The following ERBB4 variants were observed in gnomAD, a reference collection of about 807,000 sequenced individuals.
ERBB4 encodes erb-b2 receptor tyrosine kinase 4, also known as receptor tyrosine-protein kinase erbB-4.
ERBB4 carries 42 observed loss-of-function variants against 158.0 expected under a neutral mutation model. The observed-to-expected ratio is 0.27, with a 90% confidence interval of 0.21 to 0.34. The LOEUF is 0.34. Among genes scored for constraint, ERBB4 ranks in the 10% least tolerant of loss-of-function variants. The pLI, the probability that ERBB4 is intolerant of heterozygous loss-of-function variation, is 1.00. For synonymous variants in ERBB4, 583 were observed against 558.7 expected, an observed-to-expected ratio of 1.04 and a Z score of -0.61; for missense variants, 1,333 against 1,624.1, an observed-to-expected ratio of 0.82 and a Z score of 3.08.
Position 211,380,355 on chromosome 2 carries a change from TTTTCCATACCTGCCCAAAATA to T in ERBB4, c.*3239_*3259del, listed in dbSNP as rs1166173023. On this transcript the variant is annotated 3_prime_UTR_variant, in exon 28 of 28. Coordinates refer to ENST00000342788, the MANE Select transcript of ERBB4 (RefSeq NM_005235.3). The stretch of plus-strand genomic sequence containing the variant: ...TTAGGCAATCATTTAACTGCAAAAT[TTTTCCATACCTGCCCAAAATA>T]GGTATAATCTACAAAGTTGGGTGAT... The T allele has an allele frequency of 6.9e-6, 1 of 145,622 alleles. No individual in the cohort carries two copies. The highest frequency in any genetic ancestry group is 3.1e-5 in the African/African-American group (1 of 32,656). 9.0% of individuals were successfully genotyped at this position (145,622 alleles called of 1,614,324 possible).
intron 20 of ERBB4, among the ~76,000 whole-genome samples, chr2:211,452,021 T>G (rs2064257923): frequency 6.6e-6 from 1 of 152,032 alleles, no homozygotes; most frequent in Admixed American, 6.6e-5. Flanking sequence ...AATCTCTTTT[T>G]CATTTGTAAT....
intron 1 of ERBB4, among the ~76,000 whole-genome samples, chr2:212,395,651 C>T (rs961396759): frequency 1.0e-4 from 13 of 130,632 alleles, no homozygotes; most frequent in South Asian, 2.4e-4. Flanking sequence ...GATGGAGTCT[C>T]GCTCTGTCAC....
At chr2:211,865,377 T>G in intron 3 of ERBB4, among the ~76,000 whole-genome samples, 1 of 152,184 alleles carries the variant, frequency 6.6e-6, no homozygotes, top group East Asian at 1.9e-4. Flanking sequence ...ACCTCCCAAC[T>G]TATTTCTTGG....
intron 20 of ERBB4, among the ~76,000 whole-genome samples, chr2:211,511,670 C>T (rs2065888078): frequency 6.6e-6 from 1 of 151,830 alleles, no homozygotes; most frequent in African/African-American, 2.4e-5. Flanking sequence ...ATTTCAGAAT[C>T]CATTGTTTAA....
At chr2:212,275,615 A>G (rs2106132060) in intron 1 of ERBB4, among the ~76,000 whole-genome samples, 1 of 151,962 alleles carries the variant, frequency 6.6e-6, no homozygotes, top group Middle Eastern at 3.4e-3. Flanking sequence ...TTCTTTACAG[A>G]CAAGCAAATG....
At chr2:211,943,667 C>G (rs944049994) in intron 3 of ERBB4, among the ~76,000 whole-genome samples, 1 of 152,056 alleles carries the variant, frequency 6.6e-6, no homozygotes, top group African/African-American at 2.4e-5. Context: ...CTCTTTCCCC[C>G]TCTACTTATC....
intron 12 of ERBB4, among the ~76,000 whole-genome samples, chr2:211,698,927 G>T (rs948946849): frequency 6.6e-6 from 1 of 152,108 alleles, no homozygotes; most frequent in Non-Finnish European, 1.5e-5. Flanking sequence ...AGAGTTTCCC[G>T]CAATCTCAAT....
At chr2:211,734,918 A>AAAT (rs1277142908) in intron 5 of ERBB4, among the ~76,000 whole-genome samples, 1 of 151,086 alleles carries the variant, frequency 6.6e-6, no homozygotes, top group East Asian at 1.9e-4. Context: ...TCAAAAAAAA[A>AAAT]AAAAAAAAAA....
At chr2:212,255,675 C>T (rs189162908) in intron 1 of ERBB4, among the ~76,000 whole-genome samples, 3 of 152,182 alleles carry the variant, frequency 2.0e-5, no homozygotes, top group Non-Finnish European at 2.9e-5. Context: ...GGTTTGAAAT[C>T]TGAAATGCTG....
intron 2 of ERBB4, among the ~76,000 whole-genome samples, chr2:212,035,359 G>C (rs946685947): frequency 3.9e-5 from 6 of 152,110 alleles, no homozygotes; most frequent in African/African-American, 1.4e-4. Flanking sequence ...TGTTGCTTTA[G>C]AGCGCTATGA....
intron 3 of ERBB4, among the ~76,000 whole-genome samples, chr2:211,824,436 G>A (rs1006050814): frequency 5.9e-5 from 9 of 152,062 alleles, no homozygotes; most frequent in South Asian, 4.1e-4. Flanking sequence ...TCCAGAGCAC[G>A]CTTCAAATCA....
intron 3 of ERBB4, among the ~76,000 whole-genome samples, chr2:211,881,542 G>A (rs1449179919): frequency 2.4e-5 from 3 of 126,482 alleles, no homozygotes; most frequent in Non-Finnish European, 3.1e-5. Context: ...AAAGAAATGG[G>A]CAACATGGAG....
At chr2:211,429,277 T>C (rs1446802368) in intron 21 of ERBB4, among the ~76,000 whole-genome samples, 2 of 152,116 alleles carry the variant, frequency 1.3e-5, no homozygotes, top group African/African-American at 4.8e-5. Flanking sequence ...AATGGACTCT[T>C]TCTATACTTG....
chr2:212,324,307 C>T (rs1438964644), intron 1 of ERBB4, among the ~76,000 whole-genome samples: 1 of 150,544 alleles, frequency 6.6e-6, no homozygotes, highest in East Asian at 2.0e-4. Flanking sequence ...AGTCTCAGTT[C>T]AGACATTCAC....
chr2:211,697,627 G>C (rs570970837), intron 12 of ERBB4, among the ~76,000 whole-genome samples: 3 of 152,042 alleles, frequency 2.0e-5, no homozygotes, highest in African/African-American at 7.2e-5. Flanking sequence ...CACATATAAA[G>C]CAATTTACAA....
At chr2:211,861,246 C>T in intron 3 of ERBB4, among the ~76,000 whole-genome samples, 1 of 135,822 alleles carries the variant, frequency 7.4e-6, no homozygotes, top group Admixed American at 8.0e-5. Context: ...CTCACTGCAG[C>T]CTCCACCTTC....
At chr2:211,773,626 ATAT>A (rs796280409) in intron 4 of ERBB4, among the ~76,000 whole-genome samples, 12,921 of 78,490 alleles carry the variant, frequency 0.16, 1,521 homozygotes, top group Non-Finnish European at 0.23. Flanking sequence ...ATATATATAT[ATAT>A]ATATATATAT....
chr2:212,105,912 T>G (rs1255857608), intron 2 of ERBB4, among the ~76,000 whole-genome samples: 1 of 152,202 alleles, frequency 6.6e-6, no homozygotes, highest in African/African-American at 2.4e-5. Flanking sequence ...AGTTCCATTA[T>G]TCTCTCTTGT....
At chr2:211,482,317 A>T (rs1046816199) in intron 20 of ERBB4, among the ~76,000 whole-genome samples, 1 of 152,212 alleles carries the variant, frequency 6.6e-6, no homozygotes. Context: ...GCCAGAGTAG[A>T]AAACTTCACA....
Sources: allele counts gnomAD v4.1 joint callset (sites outside exome capture counted in the v4.1 genomes callset), GRCh38; gene constraint gnomAD v4.1.1; transcripts MANE v1.5; gene names NCBI Gene and HGNC (gene_info 2026-07-23, HGNC 2026-07-21).